BMPER: variants seen among roughly 807,000 people sequenced by gnomAD.
BMPER encodes the protein BMP-binding endothelial regulator protein.
A neutral mutation model predicts 87.3 loss-of-function variants in BMPER; 45 were observed. That is an observed-to-expected ratio of 0.52 (90% CI 0.41 to 0.66). The LOEUF is 0.66. Among genes scored for constraint, BMPER ranks in the 30% least tolerant of loss-of-function variants. The pLI is 0.00. For synonymous variants in BMPER, 326 were observed against 316.2 expected, an observed-to-expected ratio of 1.03 and a Z score of -0.33; for missense variants, 784 against 867.5, an observed-to-expected ratio of 0.90 and a Z score of 1.21.
chr7:33,973,051 C>T (rs928460882), intron 5 of BMPER, among the ~76,000 whole-genome samples: 6 of 152,116 alleles, frequency 3.9e-5, no homozygotes, highest in African/African-American at 1.4e-4. Flanking sequence ...CAGTTTCTTC[C>T]CGAAGCAGAT....
intron 6 of BMPER, among the ~76,000 whole-genome samples, chr7:34,040,333 A>T (rs1323665473): frequency 6.6e-6 from 1 of 152,176 alleles, no homozygotes; most frequent in Non-Finnish European, 1.5e-5. Flanking sequence ...CCTATCTTGG[A>T]CTAAGCTAGC....
intron 6 of BMPER, among the ~76,000 whole-genome samples, chr7:34,017,896 T>TG (rs1787074106): frequency 6.6e-6 from 1 of 151,220 alleles, no homozygotes; most frequent in Admixed American, 6.6e-5. Flanking sequence ...CCACCACCTG[T>TG]GTTACTCTCT....
At chr7:34,129,231 G>A (rs1790483436) in intron 13 of BMPER, among the ~76,000 whole-genome samples, 1 of 152,068 alleles carries the variant, frequency 6.6e-6, no homozygotes, top group African/African-American at 2.4e-5. Context: ...GGACGGGTGT[G>A]GTGGCTCATG....
intron 6 of BMPER, among the ~76,000 whole-genome samples, chr7:33,989,211 A>G (rs1296277518): frequency 7.1e-6 from 1 of 140,724 alleles, no homozygotes; most frequent in Non-Finnish European, 1.5e-5. Flanking sequence ...ACAATAGTTG[A>G]ACTAGTTTAC....
At chr7:34,005,208 C>A (rs1252052509) in intron 6 of BMPER, among the ~76,000 whole-genome samples, 1 of 152,006 alleles carries the variant, frequency 6.6e-6, no homozygotes, top group Non-Finnish European at 1.5e-5. Flanking sequence ...AGCTCTGAAT[C>A]CATTCTTCTT....
At chr7:33,985,923 A>G (rs1310567188) in intron 6 of BMPER, among the ~76,000 whole-genome samples, 1 of 152,220 alleles carries the variant, frequency 6.6e-6, no homozygotes, top group East Asian at 1.9e-4. Context: ...AGATAATTGC[A>G]TAGTTTGCTA....
chr7:33,982,075 A>C (rs1461869282), intron 6 of BMPER, among the ~76,000 whole-genome samples: 1 of 152,202 alleles, frequency 6.6e-6, no homozygotes, highest in Admixed American at 6.5e-5. Flanking sequence ...CTGCTCCAGC[A>C]TCTCCAGCTC....
intron 6 of BMPER, among the ~76,000 whole-genome samples, chr7:33,991,934 A>G (rs1213964244): frequency 7.2e-6 from 1 of 138,816 alleles, no homozygotes; most frequent in Non-Finnish European, 1.6e-5. Flanking sequence ...GTTTTGAGTG[A>G]GATTCTTAAT....
chr7:34,039,749 T>A (rs1787785723), intron 6 of BMPER, among the ~76,000 whole-genome samples: 1 of 152,050 alleles, frequency 6.6e-6, no homozygotes, highest in African/African-American at 2.4e-5. Context: ...TATAAACACC[T>A]CTGTTAATGT....
At chr7:34,052,511 T>G (rs1788172418) in intron 8 of BMPER, among the ~76,000 whole-genome samples, 2 of 152,176 alleles carry the variant, frequency 1.3e-5, no homozygotes, top group African/African-American at 4.8e-5. Flanking sequence ...GCTTCAGAAT[T>G]TTAAAGGGAC....
At chr7:33,907,307 G>T (rs975883872) in intron 2 of BMPER, among the ~76,000 whole-genome samples, 2 of 151,980 alleles carry the variant, frequency 1.3e-5, no homozygotes, top group African/African-American at 4.8e-5. Context: ...TGAAGGTCAG[G>T]AATAAGGTAT....
At chr7:33,983,254 A>G (rs940410608) in intron 6 of BMPER, among the ~76,000 whole-genome samples, 14 of 152,172 alleles carry the variant, frequency 9.2e-5, no homozygotes, top group Non-Finnish European at 1.9e-4. Flanking sequence ...TTAATGGCTT[A>G]TAAGATTCCT....
chr7:34,047,144 T>G (rs558332547), intron 7 of BMPER, among the ~76,000 whole-genome samples: 171 of 152,258 alleles, frequency 1.1e-3, no homozygotes, highest in Middle Eastern at 0.01. Flanking sequence ...GCAGCTCACC[T>G]TCCCTGGTGT....
intron 6 of BMPER, among the ~76,000 whole-genome samples, chr7:34,042,180 T>G (rs765573471): frequency 3.9e-5 from 6 of 152,208 alleles, no homozygotes; most frequent in Non-Finnish European, 8.8e-5. Context: ...GGAGCGGAAA[T>G]AGACTTGGCA....
At chr7:34,083,695 G>A (rs1421342708) in intron 12 of BMPER, among the ~76,000 whole-genome samples, 1 of 152,140 alleles carries the variant, frequency 6.6e-6, no homozygotes, top group Non-Finnish European at 1.5e-5. Context: ...ATTGGCTTAG[G>A]AGTCTTACCT....
chr7:34,031,963 T>C (rs917277763), intron 6 of BMPER, among the ~76,000 whole-genome samples: 67 of 130,196 alleles, frequency 5.1e-4, no homozygotes, highest in African/African-American at 1.4e-3. Context: ...CACACACACA[T>C]ATATATAAAT....
At position 34,110,118 on chromosome 7, in the gene BMPER, C is replaced by G. The variant is rs117617745; in HGVS notation, c.1745+24026C>G. 6.3e-3 allele frequency among the ~76,000 whole-genome samples: 952 copies of G among 152,252 alleles called. 21 individuals carry two copies. In the East Asian group the frequency reaches 0.066, roughly 11 times the overall value. On this transcript the variant is annotated intron_variant, in intron 13 of 14. Transcript: ENST00000649409. ...CTGTGTGTCAAGGTTTCCGCTGGCT[C>G]TTGAGTGCAGTGGACTTTGCTGGGC...
intron 6 of BMPER, among the ~76,000 whole-genome samples, chr7:34,022,420 T>A (rs1372795628): frequency 6.7e-6 from 1 of 148,354 alleles, no homozygotes; most frequent in Non-Finnish European, 1.5e-5. Flanking sequence ...GAAAAACTCT[T>A]GAATCCACGT....
rs538041857 is a variant in BMPER at position 33,943,859 on chromosome 7, A to G, written c.319+6471A>G. 3.0e-4 allele frequency among the ~76,000 whole-genome samples: 46 copies of G among 152,216 alleles called. No homozygotes were observed. In the South Asian group the frequency reaches 9.4e-3, roughly 31 times the overall value. On this transcript the variant is annotated intron_variant, in intron 3 of 14. Transcript: ENST00000649409. Reference sequence around the variant, plus strand: ...CTGCTCTGGATTTCCCCTTATTACCAGGGATATGTTCCTCCCCCTTTTGGT... The same window carrying G: ...CTGCTCTGGATTTCCCCTTATTACCGGGGATATGTTCCTCCCCCTTTTGGT...
Sources: allele counts gnomAD v4.1 joint callset (sites outside exome capture counted in the v4.1 genomes callset), GRCh38; gene constraint gnomAD v4.1.1; transcripts MANE v1.5; gene names NCBI Gene and HGNC (gene_info 2026-07-23, HGNC 2026-07-21).